ZNF469: variants seen among roughly 807,000 people sequenced by gnomAD.
ZNF469 encodes the protein zinc finger protein 469.
A neutral mutation model predicts 1.0 loss-of-function variants in ZNF469; 1 was observed. That is an observed-to-expected ratio of 1.00 (90% confidence interval 0.35 to 4.73). ZNF469 has a LOEUF of 4.73. Ranked by LOEUF, ZNF469 falls within the 30% of genes most tolerant of loss-of-function variation. ZNF469 has a pLI of 0.16. For missense variants in ZNF469, 6,100 were observed against 5,356.3 expected (o/e 1.14, Z -4.33); for synonymous variants, 2,703 against 2,363.4 (o/e 1.14, Z -4.17).
chr16:88,103,564 C>T, the ZNF469 span, among the ~76,000 whole-genome samples: 1 of 152,228 alleles, frequency 6.6e-6, no homozygotes, highest in South Asian at 2.1e-4. Flanking sequence ...CCTCCCTAAT[C>T]CCTTGGGGGG....
the ZNF469 span, among the ~76,000 whole-genome samples, chr16:88,316,508 G>T: frequency 6.7e-6 from 1 of 148,352 alleles, no homozygotes; most frequent in Non-Finnish European, 1.5e-5. Flanking sequence ...GCCAGTGTGC[G>T]TCAGCTTGGC....
chr16:88,163,212 T>G, the ZNF469 span, among the ~76,000 whole-genome samples: 1 of 31,096 alleles, frequency 3.2e-5, no homozygotes, highest in African/African-American at 1.7e-4. Context: ...ATGGATGGGT[T>G]GATGGATGCA....
At chr16:88,215,015 T>C in the ZNF469 span, among the ~76,000 whole-genome samples, 2 of 152,248 alleles carry the variant, frequency 1.3e-5, no homozygotes, top group Non-Finnish European at 2.9e-5. Context: ...CTTTAACTAA[T>C]ATTAGACTAG....
rs1469899379 is a variant in ZNF469, at chr16:88,436,877, C to T, written c.9407C>T (p.Ala3136Val). 2 of 1,513,826 alleles carry T rather than the reference C, an allele frequency of 1.3e-6. No individual in the cohort carries two copies. Among genetic ancestry groups the T allele is most frequent in the Non-Finnish European group, 8.8e-7 (1 of 1,133,452 alleles). 93.8% of individuals were successfully genotyped at this position (1,513,826 alleles called of 1,614,324 possible). A position where few individuals can be genotyped will look rare whatever the true frequency, so the allele number is the denominator to read the frequency against. The change falls in exon 3 of 3, where the codon GCC (alanine) becomes GTC (valine). Residue 3136 changes from alanine (A) to valine (V), a missense_variant. Coordinates refer to ENST00000565624, the MANE Select transcript of ZNF469 (RefSeq NM_001367624.2). ...SLGELDLHKL[A>V]HTPAPPPTCY... ...GGCGAGCTGGACCTGCACAAGCTGG[C>T]CCACACGCCCGCGCCGCCGCCCACC...
chr16:88,434,256 GGA>G lies in ZNF469; in HGVS notation c.6788_6789del (p.Glu2263ValfsTer33). ...PEDSRKEKLW[E>X]SPGRATSPPL... ...AGGATTCCAGAAAAGAGAAGCTGTG[GGA>G]GTCTCCTGGCCGAGCCACCTCTCCT... is the stretch of plus-strand genomic sequence containing the variant. On this transcript the variant is annotated frameshift_variant, in exon 3 of 3. Transcript: ENST00000565624. LOFTEE classifies it low-confidence loss of function (END_TRUNC). The G allele has an allele frequency of 6.5e-7, 1 of 1,550,340 alleles. No individual in the cohort carries two copies. Among genetic ancestry groups the G allele is most frequent in the South Asian group, 1.2e-5 (1 of 84,064 alleles).
At chr16:88,381,205 GACAC>G (rs140845577), upstream of ZNF469, among the ~76,000 whole-genome samples, 3,340 of 99,366 alleles carry the variant, frequency 0.034, 185 homozygotes, top group African/African-American at 0.11. Context: ...TGCATTCACA[GACAC>G]ACACACAGAC....
the ZNF469 span, among the ~76,000 whole-genome samples, chr16:88,356,374 C>G: frequency 6.6e-6 from 1 of 152,154 alleles, no homozygotes; most frequent in Non-Finnish European, 1.5e-5. Context: ...TGCCCCAGTA[C>G]ACAGGGAGGG....
chr16:88,111,463 G>A, the ZNF469 span, among the ~76,000 whole-genome samples: 1 of 152,046 alleles, frequency 6.6e-6, no homozygotes, highest in Non-Finnish European at 1.5e-5. Context: ...TGCTCACCCT[G>A]TTGTACTATC....
chr16:88,427,777 C>G lies in ZNF469; in HGVS notation c.307C>G (p.Gln103Glu). 1 of 1,546,610 alleles carries G rather than the reference C, an allele frequency of 6.5e-7. No homozygotes were observed. Among genetic ancestry groups the G allele is most frequent in the Admixed American group, 2.0e-5 (1 of 50,980 alleles). The change falls in exon 3 of 3, where the codon CAG (glutamine) becomes GAG (glutamate). Residue 103 changes from glutamine to glutamate, a missense_variant. Gln to Glu is a conservative substitution (Grantham distance 29). Coordinates refer to ENST00000565624, the MANE Select transcript of ZNF469 (RefSeq NM_001367624.2). ...PQTPPGRSPL[Q>E]APSRLAGRAE... ...GACCCCACCGGGGAGAAGCCCCTTGCAGGCTCCCTCAAGGCTGGCGGGCAG... is the reference window on the plus strand; with the variant it reads ...GACCCCACCGGGGAGAAGCCCCTTGGAGGCTCCCTCAAGGCTGGCGGGCAG...
At chr16:88,235,527 G>A in the ZNF469 span, among the ~76,000 whole-genome samples, 8 of 152,212 alleles carry the variant, frequency 5.3e-5, no homozygotes, top group Admixed American at 2.6e-4. Flanking sequence ...AACCAGCGCT[G>A]TCGCACTCCT....
the ZNF469 span, among the ~76,000 whole-genome samples, chr16:88,241,436 G>C: frequency 6.6e-6 from 1 of 151,998 alleles, no homozygotes; most frequent in Non-Finnish European, 1.5e-5. The surrounding 1 kb of genome is among the most constrained non-coding windows in gnomAD (Gnocchi z 4.8). Context: ...AATAAACCCA[G>C]ACTTGGTGGC....
the ZNF469 span, among the ~76,000 whole-genome samples, chr16:88,235,431 C>T: frequency 6.6e-6 from 1 of 152,382 alleles, no homozygotes; most frequent in African/African-American, 2.4e-5. Flanking sequence ...GACACCAGCC[C>T]TCCCTGGCCC....
chr16:88,109,501 T>C, the ZNF469 span, among the ~76,000 whole-genome samples: 1 of 151,522 alleles, frequency 6.6e-6, no homozygotes, highest in Non-Finnish European at 1.5e-5. Flanking sequence ...GATCAGGAGG[T>C]GCTGAGCGTC....
intron 1 of ZNF469, among the ~76,000 whole-genome samples, chr16:88,401,212 G>A (rs991712711): frequency 6.6e-6 from 1 of 152,242 alleles, no homozygotes. Flanking sequence ...TCTTCTCCCA[G>A]CATTGGGGTA....
the ZNF469 span, among the ~76,000 whole-genome samples, chr16:88,322,501 A>G: frequency 1.1e-4 from 17 of 152,200 alleles, no homozygotes; most frequent in Non-Finnish European, 1.6e-4. Context: ...CAACTGCAGT[A>G]TGCTCTGATC....
At chr16:88,132,498 A>G in the ZNF469 span, among the ~76,000 whole-genome samples, 1 of 152,152 alleles carries the variant, frequency 6.6e-6, no homozygotes, top group Non-Finnish European at 1.5e-5. Context: ...TTTCCCAACA[A>G]CACGTGGCCG....
the ZNF469 span, among the ~76,000 whole-genome samples, chr16:88,140,656 G>A: frequency 6.6e-6 from 1 of 152,236 alleles, no homozygotes; most frequent in Non-Finnish European, 1.5e-5. Context: ...TTGAGGCCAG[G>A]CGCAGTGGCT....
the ZNF469 span, among the ~76,000 whole-genome samples, chr16:88,102,634 C>T: frequency 1.2e-4 from 19 of 152,352 alleles, no homozygotes; most frequent in East Asian, 3.9e-4. Context: ...GTCCTCACAG[C>T]GGTCCAGGGG....
At chr16:88,188,254 C>T in the ZNF469 span, among the ~76,000 whole-genome samples, 5 of 152,036 alleles carry the variant, frequency 3.3e-5, no homozygotes, top group African/African-American at 1.2e-4. Flanking sequence ...TCCCCCAGAG[C>T]ACCACAGGCT....
Sources: gnomAD v4.1 joint callset for allele counts (sites outside exome capture counted in the v4.1 genomes callset) on GRCh38, gnomAD v4.1.1 for gene constraint, Gnocchi (gnomAD v3.1) non-coding constraint, MANE v1.5 for transcripts, NCBI Gene and HGNC (gene_info 2026-07-23, HGNC 2026-07-21) for gene names.